The following PP2D1 variants were observed in gnomAD, a reference collection of about 807,000 sequenced individuals.
The protein encoded by PP2D1 is protein phosphatase 2C like domain containing 1.
PP2D1 carries 25 observed loss-of-function variants against 30.2 expected under a neutral mutation model. The observed-to-expected ratio is 0.83, with a 90% CI of 0.60 to 1.16. The LOEUF (loss-of-function observed/expected upper bound fraction) is 1.16. Ranked by LOEUF, PP2D1 falls within the 50% of genes most tolerant of loss-of-function variation. PP2D1 has a pLI of 0.00. For missense variants in PP2D1, 760 were observed against 742.4 expected (o/e 1.02, Z -0.28); for synonymous variants, 260 against 258.9 (o/e 1.00, Z -0.04).
Position 20,012,242 on chromosome 3 carries a change from T to A in PP2D1, c.-170A>T. ...GATGGTGGGCATTCCCCTCACTTGA[T>A]GGTAGAGCTCCCTGTGTGGAATGTT... On this transcript the variant is annotated 5_prime_UTR_variant, in exon 1 of 3. Transcript: ENST00000389050. 1 of 617,690 alleles carries A rather than the reference T, an allele frequency of 1.6e-6. No individual in the cohort carries two copies. The highest frequency in any genetic ancestry group is 2.9e-6 in the Non-Finnish European group (1 of 348,866). 38.3% of individuals were successfully genotyped at this position (617,690 alleles called of 1,614,324 possible).
At chr3:19,988,555 C>G (rs1441592490) in intron 2 of PP2D1, among the ~76,000 whole-genome samples, 1 of 152,086 alleles carries the variant, frequency 6.6e-6, no homozygotes, top group Non-Finnish European at 1.5e-5. Flanking sequence ...TCGTTCTGCC[C>G]CCATTTGCCT....
At position 19,986,036 on chromosome 3, in the gene PP2D1, G is replaced by T. The variant is rs915605324; in HGVS notation, c.1237C>A (p.Gln413Lys). 6.5e-7 allele frequency: 1 copy of T among 1,535,876 alleles called. No homozygotes were observed. The highest frequency in any genetic ancestry group is 8.7e-7 in the Non-Finnish European group (1 of 1,146,848). ...CCAAGTCCTCGTGTAGTTTTTACTT[G>T]CCCCTCTACAAGCCCGTATGGTTCA... ...SNEPYGLVEG[Q>K]VKTTRGLGFH... Residue 413 changes from glutamine (Q) to lysine (K), a missense_variant, in exon 3 of 3, where the codon CAA becomes AAA. By Grantham distance (53) the Gln-to-Lys change is moderately conservative. Coordinates refer to ENST00000389050, the MANE Select transcript of PP2D1 (RefSeq NM_001252657.2).
intron 2 of PP2D1, 113 bp from the exon 3 acceptor site, chr3:19,986,295 G>A: frequency 1.3e-6 from 1 of 750,314 alleles, no homozygotes; most frequent in Non-Finnish European, 2.0e-6. Flanking sequence ...CAGAAAGCAG[G>A]CTATGTAAAA....
Position 19,986,101 on chromosome 3 carries a change from C to CT in PP2D1, c.1171dup (p.Arg391LysfsTer12), listed in dbSNP as rs1470334698. 1.5e-5 allele frequency: 23 copies of CT among 1,535,644 alleles called. No homozygotes were observed. The highest frequency in any genetic ancestry group is 1.9e-5 in the Non-Finnish European group (22 of 1,146,734). ...TGCTCCATTCTGAAGTATTCTTCTT[C>CT]TTTCATTTGTGTTTCGTGTAGTATG... On this transcript the variant is annotated frameshift_variant, in exon 3 of 3. Coordinates refer to ENST00000389050, the MANE Select transcript of PP2D1 (RefSeq NM_001252657.2). LOFTEE classifies it low-confidence loss of function (END_TRUNC).
At position 19,985,935 on chromosome 3, in the gene PP2D1, T is replaced by C; in HGVS notation, c.1338A>G (p.Leu446=). ...TAGTAGCTACAATAAGGAATTGACATAGGTCATCTATAGGGACAGAAATAG... is the reference window on the plus strand; with the variant it reads ...TAGTAGCTACAATAAGGAATTGACACAGGTCATCTATAGGGACAGAAATAG... The part of the protein sequence containing the change: ...PQTISVPIDD[L]CQFLIVATNG... Residue 446 remains leucine, a synonymous_variant, in exon 3 of 3, where the codon CTA becomes CTG. Transcript: ENST00000389050. The C allele has an allele frequency of 2.0e-6, 3 of 1,536,322 alleles. No individual in the cohort carries two copies. The highest frequency in any genetic ancestry group is 2.6e-6 in the Non-Finnish European group (3 of 1,146,938).
chr3:19,981,560 G>A (rs1696928102), downstream of PP2D1, among the ~76,000 whole-genome samples: 1 of 151,970 alleles, frequency 6.6e-6, no homozygotes, highest in African/African-American at 2.4e-5. Flanking sequence ...GTTGTAGCGA[G>A]CTGAGATCGT....
chr3:19,991,618 G>A (rs1310330702), intron 2 of PP2D1, among the ~76,000 whole-genome samples: 1 of 152,148 alleles, frequency 6.6e-6, no homozygotes, highest in Non-Finnish European at 1.5e-5. Flanking sequence ...GAGCCTGACA[G>A]TCAGACTTTA....
chr3:19,999,668 C>A (rs756131187), intron 2 of PP2D1, among the ~76,000 whole-genome samples: 19 of 151,998 alleles, frequency 1.3e-4, no homozygotes, highest in Non-Finnish European at 2.2e-4. Context: ...GAATTACAGG[C>A]GTGAGCCACC....
intron 1 of PP2D1, among the ~76,000 whole-genome samples, chr3:20,006,986 TGTATACACACACACACAC>T (rs1325425515): frequency 5.8e-5 from 8 of 137,284 alleles, no homozygotes; most frequent in South Asian, 2.7e-4. Flanking sequence ...CACATATATA[TGTATACACACACACACAC>T]GTATACACAC....
At position 19,985,781 on chromosome 3, in the gene PP2D1, A is replaced by G. The variant is rs924535976; in HGVS notation, c.1492T>C (p.Ser498Pro). ...KSPSKGPLLF[S>P]TSEPNLTKSQ... ...TTAGTAAGGTTTGGTTCACTGGTTG[A>G]AAAAAGCAGAGGCCCTTTGGATGGT... is the stretch of plus-strand genomic sequence containing the variant. Residue 498 changes from serine to proline, a missense_variant, in exon 3 of 3, where the codon TCA becomes CCA. Ser to Pro is a moderately conservative substitution (Grantham distance 74). Coordinates refer to ENST00000389050, the MANE Select transcript of PP2D1 (RefSeq NM_001252657.2). 3 of 1,535,982 alleles carry G rather than the reference A, an allele frequency of 2.0e-6. No homozygotes were observed. Among genetic ancestry groups the G allele is most frequent in the Non-Finnish European group, 1.7e-6 (2 of 1,146,888 alleles).
At chr3:19,996,474 G>C (rs776571668) in intron 2 of PP2D1, among the ~76,000 whole-genome samples, 5 of 152,144 alleles carry the variant, frequency 3.3e-5, no homozygotes, top group Non-Finnish European at 5.9e-5. Flanking sequence ...CCCGGGACCA[G>C]ATGGCTTCAC....
intron 2 of PP2D1, among the ~76,000 whole-genome samples, chr3:19,992,055 T>A (rs934529650): frequency 6.6e-6 from 1 of 152,178 alleles, no homozygotes; most frequent in Non-Finnish European, 1.5e-5. Flanking sequence ...TGCTGTAGTT[T>A]CAGCAAAAGA....
intron 2 of PP2D1, among the ~76,000 whole-genome samples, chr3:19,986,851 A>G (rs1275037383): frequency 1.3e-5 from 2 of 152,140 alleles, no homozygotes; most frequent in Admixed American, 6.6e-5. Flanking sequence ...CCTGACCAAC[A>G]TGGAGAAACC....
downstream of PP2D1, chr3:19,984,799 G>T (rs1387012474): frequency 6.5e-6 from 1 of 153,044 alleles, no homozygotes; most frequent in African/African-American, 2.4e-5. Flanking sequence ...AAAATGTACT[G>T]TTACTAAAAC....
intron 2 of PP2D1, 95 bp from the exon 3 acceptor site, chr3:19,986,277 A>G (rs12486526): frequency 0.22 from 196,039 of 892,878 alleles, 23,421 homozygotes; most frequent in Non-Finnish European, 0.25. Flanking sequence ...CTGTGTTTCA[A>G]TGCTAAACAG....
downstream of PP2D1, among the ~76,000 whole-genome samples, chr3:19,982,377 A>G (rs1309005537): frequency 1.3e-5 from 2 of 152,168 alleles, no homozygotes; most frequent in Non-Finnish European, 2.9e-5. Context: ...GTGTGTGAGT[A>G]TGTTTCCTCC....
downstream of PP2D1, chr3:19,985,156 T>C: frequency 2.1e-6 from 1 of 468,884 alleles, no homozygotes; most frequent in Non-Finnish European, 3.7e-6. Context: ...CAGGTTGGAA[T>C]AAAGTGGTAT....
At chr3:20,003,219 C>CCTCAGA (rs1335184025) in intron 1 of PP2D1, among the ~76,000 whole-genome samples, 1 of 151,508 alleles carries the variant, frequency 6.6e-6, no homozygotes, top group Non-Finnish European at 1.5e-5. Context: ...TGTAAAACAA[C>CCTCAGA]CTCAGACAGG....
intron 2 of PP2D1, among the ~76,000 whole-genome samples, chr3:19,991,898 ATAG>A (rs1697124047): frequency 1.3e-5 from 2 of 152,210 alleles, no homozygotes; most frequent in South Asian, 4.1e-4. Context: ...CAGGCTTAAG[ATAG>A]TAGGCAGTGG....
Sources: gnomAD v4.1 joint callset for allele counts (sites outside exome capture counted in the v4.1 genomes callset) on GRCh38, gnomAD v4.1.1 for gene constraint, MANE v1.5 for transcripts, NCBI Gene and HGNC (gene_info 2026-07-23, HGNC 2026-07-21) for gene names.